Variants in ELF2 observed in about 807,000 individuals in gnomAD.
ELF2 encodes E74 like ETS transcription factor 2.
Under a neutral mutation model 54.8 loss-of-function variants are expected in ELF2, and 11 were observed. The observed-to-expected ratio is 0.20, with a 90% CI of 0.13 to 0.33. The LOEUF (loss-of-function observed/expected upper bound fraction) is 0.33. Ranked by LOEUF, ELF2 falls within the 10% of genes least tolerant of loss-of-function variation. The probability of loss-of-function intolerance (pLI) is 1.00; values close to 1 mark genes in which losing one functional copy is unlikely to be tolerated. For synonymous variants in ELF2, 203 were observed against 245.1 expected, an observed-to-expected ratio of 0.83 and a Z score of 1.61; for missense variants, 513 against 703.0, an observed-to-expected ratio of 0.73 and a Z score of 3.06.
intron 7 of ELF2, 124 bp downstream of exon 7, chr4:139,067,560 A>G: frequency 4.2e-6 from 4 of 947,310 alleles, no homozygotes; most frequent in Non-Finnish European, 6.4e-6. Flanking sequence ...CCTTATTAAG[A>G]ACTATTACCA....
At chr4:139,159,024 A>G (rs185920776) in intron 1 of ELF2, among the ~76,000 whole-genome samples, 171 of 152,294 alleles carry the variant, frequency 1.1e-3, no homozygotes, top group Admixed American at 2.3e-3. Context: ...CGGACTGCAG[A>G]GAGGTGGGAA....
At chr4:139,118,764 T>C (rs988400835) in intron 4 of ELF2, among the ~76,000 whole-genome samples, 6 of 152,064 alleles carry the variant, frequency 3.9e-5, no homozygotes, top group Non-Finnish European at 8.8e-5. Context: ...TCCATTCTAA[T>C]GTATAAAAGT....
intron 4 of ELF2, among the ~76,000 whole-genome samples, chr4:139,111,491 CTTT>C (rs759267275): frequency 4.4e-5 from 6 of 136,278 alleles, no homozygotes; most frequent in Admixed American, 7.5e-5. Context: ...CCATACCAAC[CTTT>C]TTTTTTTTTT....
At chr4:139,119,147 A>G (rs1247890857) in intron 4 of ELF2, among the ~76,000 whole-genome samples, 2 of 152,180 alleles carry the variant, frequency 1.3e-5, no homozygotes, top group African/African-American at 2.4e-5. Context: ...CCTTAATTCT[A>G]TGTCCTTTGT....
intron 4 of ELF2, among the ~76,000 whole-genome samples, chr4:139,120,194 T>G (rs1249123537): frequency 6.6e-6 from 1 of 152,238 alleles, no homozygotes; most frequent in Non-Finnish European, 1.5e-5. Context: ...AAATCATATG[T>G]GCTACCATCA....
At position 139,122,236 on chromosome 4, in the gene ELF2, T is replaced by G. The variant is rs1454080738; in HGVS notation, c.238+2928A>C. Among the ~76,000 whole-genome samples the G allele has an allele frequency of 3.3e-5, 5 of 152,194 alleles. No homozygotes were observed. In the South Asian group the frequency reaches 8.3e-4, roughly 25 times the overall value. ...GGGAAGTATTCTATACAGATCTCAA[T>G]TCCCCCAATTCACCAAATAAAATCT... On this transcript the variant is annotated intron_variant, in intron 4 of 9. Coordinates refer to ENST00000686138, the MANE Select transcript of ELF2 (RefSeq NM_001331036.3).
chr4:139,141,667 T>C (rs1381237984), intron 1 of ELF2, among the ~76,000 whole-genome samples: 1 of 152,186 alleles, frequency 6.6e-6, no homozygotes, highest in East Asian at 1.9e-4. Flanking sequence ...TTGTAGCTGC[T>C]GGAGGAAGGC....
intron 4 of ELF2, among the ~76,000 whole-genome samples, chr4:139,106,645 TATATC>T (rs1734438170): frequency 6.6e-6 from 1 of 152,012 alleles, no homozygotes; most frequent in African/African-American, 2.4e-5. Flanking sequence ...AGCAGTAAAT[TATATC>T]TGTCACTAGA....
intron 4 of ELF2, among the ~76,000 whole-genome samples, chr4:139,115,582 A>G (rs994989272): frequency 1.3e-5 from 2 of 151,764 alleles, no homozygotes; most frequent in African/African-American, 4.8e-5. Context: ...CATTTTTCAC[A>G]GGCCTCATAT....
At chr4:139,089,808 G>C (rs537637082) in intron 4 of ELF2, among the ~76,000 whole-genome samples, 2 of 152,084 alleles carry the variant, frequency 1.3e-5, no homozygotes, top group Admixed American at 1.3e-4. Flanking sequence ...CATCACATTA[G>C]CAAATAGTTT....
rs574810026 is a variant in ELF2 at position 139,146,753 on chromosome 4, G to T, written c.-251-7256C>A. 5.3e-5 allele frequency among the ~76,000 whole-genome samples: 8 copies of T among 152,180 alleles called. No individual in the cohort carries two copies. The East Asian group carries it at 1.3e-3, about 26-fold the overall frequency. On this transcript the variant is annotated intron_variant, in intron 1 of 9. Transcript: ENST00000686138. ...CAACCAACTCTCTTCAACAAAGCATGAAAAACATAAATTGGGGAAAGGACA... is the reference window on the plus strand; with the variant it reads ...CAACCAACTCTCTTCAACAAAGCATTAAAAACATAAATTGGGGAAAGGACA...
At chr4:139,156,123 C>T (rs1418636800) in intron 1 of ELF2, among the ~76,000 whole-genome samples, 2 of 152,108 alleles carry the variant, frequency 1.3e-5, no homozygotes, top group Non-Finnish European at 2.9e-5. Context: ...GGCCTTGACA[C>T]TGAGTTATCC....
At chr4:139,093,411 T>G (rs1299592144) in intron 4 of ELF2, among the ~76,000 whole-genome samples, 2 of 152,248 alleles carry the variant, frequency 1.3e-5, no homozygotes, top group African/African-American at 4.8e-5. Context: ...GCAAGCTGTT[T>G]GCAGAAGATA....
At chr4:139,156,001 A>AATTG (rs33935450) in intron 1 of ELF2, among the ~76,000 whole-genome samples, 54,010 of 151,820 alleles carry the variant, frequency 0.36, 10,503 homozygotes, top group African/African-American at 0.53. Context: ...TACAAGAAAA[A>AATTG]ATTGAAGAGG....
intron 3 of ELF2, among the ~76,000 whole-genome samples, chr4:139,133,068 C>G (rs1737710724): frequency 1.3e-5 from 2 of 151,658 alleles, no homozygotes; most frequent in Non-Finnish European, 2.9e-5. Flanking sequence ...ACTACAGGCA[C>G]CCGCCACCAT....
chr4:139,078,100 G>A (rs1730574421), intron 4 of ELF2, among the ~76,000 whole-genome samples: 1 of 152,064 alleles, frequency 6.6e-6, no homozygotes, highest in Non-Finnish European at 1.5e-5. Context: ...TGTTTGTATG[G>A]TACTGAAGAC....
chr4:139,177,410 C>T (rs1009506860), upstream of ELF2, among the ~76,000 whole-genome samples: 34 of 151,942 alleles, frequency 2.2e-4, no homozygotes, highest in Non-Finnish European at 4.9e-4. Flanking sequence ...CAGCGCCTGT[C>T]AAACGCGGGC....
chr4:139,142,680 A>C (rs985896486), intron 1 of ELF2, among the ~76,000 whole-genome samples: 1 of 152,214 alleles, frequency 6.6e-6, no homozygotes, highest in Non-Finnish European at 1.5e-5. Flanking sequence ...ACCCATAATG[A>C]GATGAGAAGT....
Position 139,100,436 on chromosome 4 carries a change from T to C in ELF2, c.238+24728A>G, listed in dbSNP as rs184468735. ...TACTTGGGAGGCTGAGGCAGAAGGA[T>C]CGCCTGAGTCCAGAAATGCTGGGCT... On this transcript the variant is annotated intron_variant, in intron 4 of 9. Transcript: ENST00000686138. The C allele has an allele frequency of 3.7e-4, 57 of 152,372 alleles. 1 individual carries two copies. In the East Asian group the frequency reaches 0.011, roughly 28 times the overall value. 9.4% of individuals were successfully genotyped at this position (152,372 alleles called of 1,614,324 possible). A position where few individuals can be genotyped will look rare whatever the true frequency, so the allele number is the denominator to read the frequency against.
Sources: allele counts gnomAD v4.1 joint callset (sites outside exome capture counted in the v4.1 genomes callset), GRCh38; gene constraint gnomAD v4.1.1; transcripts MANE v1.5; gene names NCBI Gene and HGNC (gene_info 2026-07-23, HGNC 2026-07-21).